Variants in DAB1 observed in about 807,000 individuals in gnomAD.
The protein encoded by DAB1 is DAB adaptor protein 1.
Under a neutral mutation model 64.6 loss-of-function variants are expected in DAB1, and 15 were observed. The observed-to-expected ratio is 0.23, with a 90% CI of 0.16 to 0.36. The LOEUF is 0.36. Ranked by LOEUF, DAB1 falls within the 10% of genes least tolerant of loss-of-function variation. The probability of loss-of-function intolerance (pLI) is 1.00; values close to 1 mark genes in which losing one functional copy is unlikely to be tolerated. For missense variants in DAB1, 596 were observed against 706.7 expected, an observed-to-expected ratio of 0.84 and a Z score of 1.78; for synonymous variants, 235 against 251.9, an observed-to-expected ratio of 0.93 and a Z score of 0.64.
intron 2 of DAB1, among the ~76,000 whole-genome samples, chr1:57,203,528 GCATGTGTGACAAGGA>G (rs1201898684): frequency 1.3e-5 from 2 of 152,172 alleles, no homozygotes; most frequent in Non-Finnish European, 2.9e-5. Context: ...CTCAAAAATG[GCATGTGTGACAAGGA>G]CAGCCAACTG....
chr1:58,161,940 T>C (rs1655559477), intron 4 of DAB1, among the ~76,000 whole-genome samples: 1 of 152,088 alleles, frequency 6.6e-6, no homozygotes, highest in South Asian at 2.1e-4. Context: ...ATATAAAGAA[T>C]GGGATTTGAG....
intron 3 of DAB1, among the ~76,000 whole-genome samples, chr1:58,355,023 T>C (rs1644096772): frequency 1.3e-5 from 2 of 152,190 alleles, no homozygotes; most frequent in Non-Finnish European, 2.9e-5. Context: ...TATACATTTA[T>C]TTCCTGAATA....
At chr1:57,092,205 A>G (rs1447369977) in intron 4 of DAB1, among the ~76,000 whole-genome samples, 1 of 152,208 alleles carries the variant, frequency 6.6e-6, no homozygotes. Flanking sequence ...AAAATCATTT[A>G]TTGACTACTT....
intron 5 of DAB1, among the ~76,000 whole-genome samples, chr1:58,070,256 T>C (rs929283047): frequency 5.9e-5 from 9 of 152,186 alleles, no homozygotes; most frequent in African/African-American, 2.2e-4. Context: ...CACCAAAGTC[T>C]ATGATCAATC....
At chr1:58,523,277 G>A (rs1485098945) in intron 2 of DAB1, among the ~76,000 whole-genome samples, 1 of 152,100 alleles carries the variant, frequency 6.6e-6, no homozygotes, top group Non-Finnish European at 1.5e-5. Flanking sequence ...GCTCTGTGTG[G>A]TCACGCACAA....
intron 1 of DAB1, chr1:57,875,230 G>A (rs185866484): frequency 6.6e-6 from 1 of 152,332 alleles, no homozygotes; most frequent in Admixed American, 6.5e-5. Context: ...TAATGCCCAA[G>A]TTCCTTATGT....
intron 4 of DAB1, chr1:58,228,585 T>G (rs1238457449): frequency 2.0e-6 from 1 of 495,122 alleles, no homozygotes. Context: ...TAGGAAGCCC[T>G]GCATCTAGGG....
At chr1:57,503,152 C>A (rs1368370938) in intron 7 of DAB1, among the ~76,000 whole-genome samples, 1 of 152,162 alleles carries the variant, frequency 6.6e-6, no homozygotes, top group Non-Finnish European at 1.5e-5. Flanking sequence ...GGGTAAGGTT[C>A]TTCTATCTTT....
At chr1:58,208,629 C>T (rs1159319950) in intron 4 of DAB1, among the ~76,000 whole-genome samples, 1 of 152,050 alleles carries the variant, frequency 6.6e-6, no homozygotes, top group Non-Finnish European at 1.5e-5. Context: ...TATTTCATTC[C>T]TTTTTATGGC....
intron 4 of DAB1, among the ~76,000 whole-genome samples, chr1:58,172,476 G>T (rs911132551): frequency 2.6e-5 from 4 of 152,192 alleles, no homozygotes; most frequent in African/African-American, 9.6e-5. Flanking sequence ...TCAGACAACT[G>T]CCTACTTAGA....
chr1:57,153,732 G>T (rs1247730885), intron 2 of DAB1, among the ~76,000 whole-genome samples: 1 of 152,026 alleles, frequency 6.6e-6, no homozygotes, highest in Admixed American at 6.6e-5. Flanking sequence ...CCACCTCCCA[G>T]GTTCACGCCA....
intron 3 of DAB1, among the ~76,000 whole-genome samples, chr1:58,504,806 C>T (rs535644981): frequency 1.3e-5 from 2 of 152,250 alleles, no homozygotes; most frequent in Non-Finnish European, 2.9e-5. Flanking sequence ...TATCCTTGTA[C>T]TAATAATCAT....
At chr1:57,774,725 A>G (rs1187393339) in intron 6 of DAB1, among the ~76,000 whole-genome samples, 1 of 151,806 alleles carries the variant, frequency 6.6e-6, no homozygotes, top group Non-Finnish European at 1.5e-5. Flanking sequence ...TTTTCAAATT[A>G]TCAACCAATG....
At chr1:57,635,068 C>T (rs1214210283) in intron 7 of DAB1, among the ~76,000 whole-genome samples, 1 of 152,054 alleles carries the variant, frequency 6.6e-6, no homozygotes, top group Non-Finnish European at 1.5e-5. Context: ...TACAGGGGAC[C>T]CAGGCTGGCT....
intron 5 of DAB1, among the ~76,000 whole-genome samples, chr1:57,976,735 G>A (rs1188898085): frequency 1.3e-5 from 2 of 152,186 alleles, no homozygotes; most frequent in Admixed American, 6.6e-5. Context: ...TTTCTCTGTA[G>A]AGAGGTAGTT....
At chr1:58,044,610 T>C (rs1167178091) in intron 5 of DAB1, among the ~76,000 whole-genome samples, 1 of 152,082 alleles carries the variant, frequency 6.6e-6, no homozygotes, top group Non-Finnish European at 1.5e-5. Context: ...TTACTCTGGG[T>C]GTTGAATTCA....
intron 1 of DAB1, among the ~76,000 whole-genome samples, chr1:57,865,605 C>G (rs908086771): frequency 1.3e-5 from 2 of 152,288 alleles, no homozygotes; most frequent in East Asian, 3.9e-4. Context: ...CTCTCCTCTT[C>G]CCCCAAGGCT....
chr1:58,374,273 G>GT (rs1644301315), intron 3 of DAB1, among the ~76,000 whole-genome samples: 1 of 127,050 alleles, frequency 7.9e-6, no homozygotes, highest in Non-Finnish European at 1.7e-5. Context: ...GTCCTGAATG[G>GT]TAATGCCTAG....
chr1:57,539,992 C>G (rs956420157), intron 7 of DAB1, among the ~76,000 whole-genome samples: 3 of 152,170 alleles, frequency 2.0e-5, no homozygotes, highest in Admixed American at 2.0e-4. Context: ...TTTTGGTGGC[C>G]GTGCAAAACC....
Sources: allele counts gnomAD v4.1 joint callset (sites outside exome capture counted in the v4.1 genomes callset), GRCh38; gene constraint gnomAD v4.1.1; transcripts MANE v1.5; gene names NCBI Gene and HGNC (gene_info 2026-07-23, HGNC 2026-07-21).